Variants in LRRK1 observed in about 807,000 individuals in gnomAD.
The protein encoded by LRRK1 is leucine rich repeat kinase 1.
Under a neutral mutation model 209.1 loss-of-function variants are expected in LRRK1, and 113 were observed. That is an observed-to-expected ratio of 0.54 (90% confidence interval 0.46 to 0.63). The LOEUF is 0.63. Ranked by LOEUF, LRRK1 falls within the 30% of genes least tolerant of loss-of-function variation. The pLI, the probability that LRRK1 is intolerant of heterozygous loss-of-function variation, is 0.00. For missense variants in LRRK1, 2,284 were observed against 2,632.2 expected, an observed-to-expected ratio of 0.87 and a Z score of 2.89; for synonymous variants, 1,144 against 1,099.7, an observed-to-expected ratio of 1.04 and a Z score of -0.80.
At chr15:100,949,766 A>G (rs1381968723) in intron 2 of LRRK1, among the ~76,000 whole-genome samples, 1 of 152,190 alleles carries the variant, frequency 6.6e-6, no homozygotes, top group African/African-American at 2.4e-5. Context: ...GAAAAAATAT[A>G]TGATCATCTC....
Position 100,976,830 on chromosome 15 carries a change from G to A in LRRK1, c.261+2863G>A, listed in dbSNP as rs73484898. On this transcript the variant is annotated intron_variant, in intron 3 of 33. Transcript: ENST00000388948. ...GCTACAGAAATCTCAGTCTGTCCTGGTCCTAGAATACCACACAGCACTCCA... is the reference window on the plus strand; with the variant it reads ...GCTACAGAAATCTCAGTCTGTCCTGATCCTAGAATACCACACAGCACTCCA... 7.3e-3 allele frequency among the ~76,000 whole-genome samples: 1,105 copies of A among 152,246 alleles called. 16 individuals carry two copies. The highest frequency in any genetic ancestry group is 0.025 in the African/African-American group (1,043 of 41,522).
chr15:101,046,648 C>T (rs2035094115), intron 21 of LRRK1, among the ~76,000 whole-genome samples: 1 of 152,212 alleles, frequency 6.6e-6, no homozygotes. Flanking sequence ...ACACTCCAGA[C>T]CGATTGAATC....
Position 101,067,392 on chromosome 15 carries a change from A to T in LRRK1, c.5870+651A>T, listed in dbSNP as rs575076592. 298 of 433,046 alleles carry T rather than the reference A, an allele frequency of 6.9e-4. 3 individuals carry two copies. Among genetic ancestry groups the T allele is most frequent in the South Asian group, 4.8e-3 (290 of 60,606 alleles). 26.8% of individuals were successfully genotyped at this position (433,046 alleles called of 1,614,324 possible). A position where few individuals can be genotyped will look rare whatever the true frequency, so the allele number is the denominator to read the frequency against. The stretch of plus-strand genomic sequence containing the variant: ...TTGACTACCGAGCCCCACACGGTAA[A>T]TCTCCCCTACGAAAAGTCCTCAGTT... On this transcript the variant is annotated intron_variant, in intron 33 of 33. Transcript: ENST00000388948.
intron 20 of LRRK1, among the ~76,000 whole-genome samples, chr15:101,042,933 C>T (rs943739110): frequency 3.3e-5 from 5 of 152,198 alleles, no homozygotes; most frequent in Admixed American, 1.3e-4. Context: ...GGGACCCCTA[C>T]GAGGGCCAGG....
intron 2 of LRRK1, among the ~76,000 whole-genome samples, chr15:100,959,328 G>T (rs1023118957): frequency 6.6e-6 from 1 of 152,142 alleles, no homozygotes; most frequent in Non-Finnish European, 1.5e-5. Flanking sequence ...CCCAGCCTGC[G>T]GGCAGCCCTG....
intron 2 of LRRK1, among the ~76,000 whole-genome samples, chr15:100,962,149 C>T (rs1205234283): frequency 6.7e-6 from 1 of 148,468 alleles, no homozygotes; most frequent in Non-Finnish European, 1.5e-5. Flanking sequence ...GGACATACTT[C>T]ATCTTTTAAT....
At chr15:101,014,657 C>T (rs1008966332) in intron 11 of LRRK1, among the ~76,000 whole-genome samples, 1 of 152,184 alleles carries the variant, frequency 6.6e-6, no homozygotes, top group Non-Finnish European at 1.5e-5. Flanking sequence ...CTTGCAGATG[C>T]CGTCTTCTCC....
Position 100,989,240 on chromosome 15 carries a change from G to A in LRRK1, c.614-10G>A, listed in dbSNP as rs1309845244. The A allele has an allele frequency of 1.2e-6, 2 of 1,611,350 alleles. No homozygotes were observed. Among genetic ancestry groups the A allele is most frequent in the Non-Finnish European group, 1.7e-6 (2 of 1,178,620 alleles). ...TGCATGCCCTTAGCTTTTTGGTTTT[G>A]TTCCTTTAGGGAATGAAGACATTGC... On this transcript the variant is annotated splice_polypyrimidine_tract_variant and intron_variant, in intron 5 of 33. Coordinates refer to ENST00000388948, the MANE Select transcript of LRRK1 (RefSeq NM_024652.6).
chr15:100,956,455 C>CTTTTTCTT lies in LRRK1; in HGVS notation c.98-17344_98-17343insCTTTTTTT. 6.6e-5 allele frequency among the ~76,000 whole-genome samples: 4 copies of CTTTTTCTT among 60,520 alleles called. 1 individual carries two copies. The highest frequency in any genetic ancestry group is 2.0e-4 in the Admixed American group (1 of 5,006). 39.7% of individuals were successfully genotyped at this position (60,520 alleles called of 152,430 possible). ...TTCGCTTTTCTTTCCTTTTTTTTTT[C>CTTTTTCTT]TTTTTTTTTTTTTTTTTTGAGACAG... On this transcript the variant is annotated intron_variant, in intron 2 of 33. Coordinates refer to ENST00000388948, the MANE Select transcript of LRRK1 (RefSeq NM_024652.6).
rs199974382 is a variant in LRRK1, at chr15:101,065,851, C to T, written c.5414C>T (p.Pro1805Leu). ...EPPAASHTAN[P>L]KVPEGDSIAD... ...CCGGCAGCCAGCCACACGGCCAACCCAAAGGTGCCTGAGGGGGACTCCATC... is the reference window on the plus strand; with the variant it reads ...CCGGCAGCCAGCCACACGGCCAACCTAAAGGTGCCTGAGGGGGACTCCATC... Residue 1805 changes from proline to leucine, a missense_variant, in exon 32 of 34, where the codon CCA becomes CTA. Pro to Leu is a moderately conservative substitution (Grantham distance 98). This residue lies in a region of LRRK1 where 643 missense variants were observed against 695.9 expected (regional missense o/e 0.92). Coordinates refer to ENST00000388948, the MANE Select transcript of LRRK1 (RefSeq NM_024652.6). The T allele has an allele frequency of 1.1e-5, 17 of 1,614,126 alleles. No individual in the cohort carries two copies. The highest frequency in any genetic ancestry group is 1.4e-5 in the Non-Finnish European group (17 of 1,180,018).
chr15:100,986,544 A>G (rs2031884213), intron 4 of LRRK1, among the ~76,000 whole-genome samples: 1 of 152,246 alleles, frequency 6.6e-6, no homozygotes, highest in Non-Finnish European at 1.5e-5. Flanking sequence ...GAGTACTCAG[A>G]CACAGGTGTA....
intron 2 of LRRK1, among the ~76,000 whole-genome samples, chr15:100,934,916 A>C (rs2042274030): frequency 6.6e-6 from 1 of 152,138 alleles, no homozygotes; most frequent in South Asian, 2.1e-4. Context: ...TTGATTTATT[A>C]TTAGGTAAGA....
At chr15:101,028,143 C>T (rs371332360) in intron 19 of LRRK1, among the ~76,000 whole-genome samples, 2 of 152,184 alleles carry the variant, frequency 1.3e-5, no homozygotes, top group African/African-American at 4.8e-5. Flanking sequence ...AAAGTCACCG[C>T]GATCACTGAA....
intron 22 of LRRK1, chr15:101,049,307 C>G (rs1338994024): frequency 4.3e-6 from 1 of 232,138 alleles, no homozygotes; most frequent in Non-Finnish European, 8.3e-6. Context: ...CATAGATGTT[C>G]TCACTTAAGG....
At chr15:101,012,671 C>T (rs924840661) in intron 10 of LRRK1, among the ~76,000 whole-genome samples, 1 of 151,896 alleles carries the variant, frequency 6.6e-6, no homozygotes. Flanking sequence ...GGCTTCAGCC[C>T]CCGGTCCTGC....
At chr15:100,990,318 T>C (rs2032093310) in intron 6 of LRRK1, among the ~76,000 whole-genome samples, 1 of 152,182 alleles carries the variant, frequency 6.6e-6, no homozygotes, top group Admixed American at 6.5e-5. Context: ...CTCCTGCTAT[T>C]GGTGGACATT....
chr15:101,030,121 CTCCTCCTTT>C (rs1171072362), intron 20 of LRRK1, among the ~76,000 whole-genome samples: 1 of 152,148 alleles, frequency 6.6e-6, no homozygotes, highest in South Asian at 2.1e-4. Context: ...AAATGAGCCT[CTCCTCCTTT>C]TCCTCCTTTT....
In LRRK1 at chr15:101,066,133, A is replaced by G; in HGVS notation, c.5696A>G (p.Asp1899Gly). ...TCTGAGCATGACCTGACCCCCATGG[A>G]CGGGGAGACCTTCAGCCAGCACCTG... ...DRSEHDLTPM[D>G]GETFSQHLQA... The change falls in exon 32 of 34, where the codon GAC (aspartate) becomes GGC (glycine). Residue 1899 changes from aspartate (D) to glycine (G), a missense_variant. Asp to Gly is a moderately conservative substitution (Grantham distance 94). Coordinates refer to ENST00000388948, the MANE Select transcript of LRRK1 (RefSeq NM_024652.6). 1 of 1,613,870 alleles carries G rather than the reference A, an allele frequency of 6.2e-7. No individual in the cohort carries two copies.
rs999508408 is a variant in LRRK1, at chr15:101,027,354, C to T, written c.2499C>T (p.Ile833=). The T allele has an allele frequency of 1.7e-5, 27 of 1,613,854 alleles. No homozygotes were observed. The highest frequency in any genetic ancestry group is 2.2e-5 in the East Asian group (1 of 44,874). Reference sequence around the variant, plus strand: ...GCATGAAGGACGTGGGCAGCACCATCGGCTGCCAGCGACTGGCAGGGCGGC... The same window carrying T: ...GCATGAAGGACGTGGGCAGCACCATTGGCTGCCAGCGACTGGCAGGGCGGC... ...TCSMKDVGST[I]GCQRLAGRLI... is the part of the protein sequence containing the mutation. Residue 833 remains isoleucine, a synonymous_variant, in exon 18 of 34, where the codon ATC becomes ATT. Transcript: ENST00000388948. The surrounding 1 kb of genome is among the most constrained non-coding windows in gnomAD (Gnocchi z 5.1).
Sources: allele counts gnomAD v4.1 joint callset (sites outside exome capture counted in the v4.1 genomes callset), GRCh38; gene constraint gnomAD v4.1.1; regional missense constraint gnomAD v4.1.1; non-coding constraint Gnocchi (gnomAD v3.1); transcripts MANE v1.5; gene names NCBI Gene and HGNC (gene_info 2026-07-23, HGNC 2026-07-21).